Variants in CPA6 observed in about 807,000 individuals in gnomAD.
The protein encoded by CPA6 is carboxypeptidase B.
CPA6 carries 58 observed loss-of-function variants against 63.3 expected under a neutral mutation model. That is an observed-to-expected ratio of 0.92 (90% confidence interval 0.74 to 1.14). CPA6 has a LOEUF of 1.14. Ranked by LOEUF, CPA6 falls within the 50% of genes most tolerant of loss-of-function variation. The pLI is 0.00. For missense variants in CPA6, 565 were observed against 526.6 expected (o/e 1.07, Z -0.71); for synonymous variants, 185 against 179.0 (o/e 1.03, Z -0.27).
chr8:67,569,833 C>T (rs1394525294), intron 2 of CPA6: 1 of 183,208 alleles, frequency 5.5e-6, no homozygotes, highest in East Asian at 1.7e-4. Context: ...CTAGCGGCTA[C>T]TGAGAAATTC....
intron 8 of CPA6, among the ~76,000 whole-genome samples, chr8:67,457,138 A>G (rs931261663): frequency 2.0e-5 from 3 of 152,238 alleles, no homozygotes; most frequent in African/African-American, 7.2e-5. Flanking sequence ...TACAGCAGCA[A>G]TGGGGCACAA....
intron 8 of CPA6, among the ~76,000 whole-genome samples, chr8:67,448,179 G>C (rs1210351399): frequency 6.6e-6 from 1 of 152,152 alleles, no homozygotes; most frequent in Non-Finnish European, 1.5e-5. Context: ...TTTGTTTTCT[G>C]TTGAGCTATT....
intron 1 of CPA6, among the ~76,000 whole-genome samples, chr8:67,625,488 G>A (rs7825466): frequency 0.047 from 7,103 of 152,198 alleles, 344 homozygotes; most frequent in African/African-American, 0.12. Context: ...TCAATTTTTA[G>A]GTGTGTCATG....
chr8:67,717,749 C>T (rs1817409361), intron 1 of CPA6, among the ~76,000 whole-genome samples: 1 of 152,130 alleles, frequency 6.6e-6, no homozygotes, highest in Non-Finnish European at 1.5e-5. Context: ...GGAGATGACC[C>T]TGGAGTGTCC....
intron 8 of CPA6, among the ~76,000 whole-genome samples, chr8:67,468,463 G>A (rs1282301374): frequency 2.0e-5 from 3 of 151,854 alleles, no homozygotes; most frequent in South Asian, 2.1e-4. Flanking sequence ...GCAGGGGCCT[G>A]TAATCCCAGC....
At chr8:67,503,552 C>T (rs921490867) in intron 6 of CPA6, among the ~76,000 whole-genome samples, 1 of 151,066 alleles carries the variant, frequency 6.6e-6, no homozygotes, top group South Asian at 2.1e-4. Context: ...AAGTGATCCT[C>T]CTGCCTCGGC....
At chr8:67,658,076 C>T (rs1816028587) in intron 1 of CPA6, among the ~76,000 whole-genome samples, 1 of 152,144 alleles carries the variant, frequency 6.6e-6, no homozygotes, top group African/African-American at 2.4e-5. Flanking sequence ...TCAGACCTTT[C>T]TTGTCTTTTT....
In CPA6 at chr8:67,475,828, TTTCTTTCTTTC is replaced by T. The variant is rs1563967620; in HGVS notation, c.838+7929_838+7939del. On this transcript the variant is annotated intron_variant, in intron 8 of 10. Coordinates refer to ENST00000297770, the MANE Select transcript of CPA6 (RefSeq NM_020361.5). ...TTCTTTCTTTCTTTCCTTTCTTTTC[TTTCTTTCTTTC>T]TTTCTTTCTTTCTTTCTTTCTTTCT... 7.5e-3 allele frequency among the ~76,000 whole-genome samples: 394 copies of T among 52,594 alleles called. 18 individuals carry two copies. Among genetic ancestry groups the T allele is most frequent in the Middle Eastern group, 0.02 (2 of 102 alleles). 34.5% of individuals were successfully genotyped at this position (52,594 alleles called of 152,430 possible).
chr8:67,728,730 T>C (rs1296692837), intron 1 of CPA6, among the ~76,000 whole-genome samples: 5 of 152,232 alleles, frequency 3.3e-5, no homozygotes, highest in African/African-American at 4.8e-5. Context: ...TATTCAATAT[T>C]AGTTCTATTT....
At chr8:67,536,679 AC>A (rs1383929333) in intron 2 of CPA6, among the ~76,000 whole-genome samples, 2 of 152,266 alleles carry the variant, frequency 1.3e-5, no homozygotes, top group African/African-American at 4.8e-5. Flanking sequence ...CTATTTGAAT[AC>A]CATTTATTTC....
intron 1 of CPA6, among the ~76,000 whole-genome samples, chr8:67,720,415 A>C (rs1246387360): frequency 6.6e-6 from 1 of 152,236 alleles, no homozygotes; most frequent in Non-Finnish European, 1.5e-5. Flanking sequence ...GAGGCCTGAC[A>C]GAAGCCAGGG....
chr8:67,567,887 T>G (rs550752432), intron 2 of CPA6, among the ~76,000 whole-genome samples: 45 of 152,202 alleles, frequency 3.0e-4, no homozygotes, highest in Middle Eastern at 3.4e-3. Flanking sequence ...TCACGGGGAC[T>G]GAGGAACATA....
At chr8:67,681,436 C>G (rs1194900585) in intron 1 of CPA6, among the ~76,000 whole-genome samples, 1 of 151,506 alleles carries the variant, frequency 6.6e-6, no homozygotes, top group Non-Finnish European at 1.5e-5. Context: ...GTCTCGATCT[C>G]CTGACCTCAT....
chr8:67,617,902 C>T (rs1179543187), intron 2 of CPA6, among the ~76,000 whole-genome samples: 1 of 151,648 alleles, frequency 6.6e-6, no homozygotes, highest in East Asian at 2.0e-4. Context: ...CAATTTCTTG[C>T]CATGGGGCAG....
chr8:67,581,547 A>AAGACCAG (rs954048244), intron 2 of CPA6, among the ~76,000 whole-genome samples: 5 of 152,214 alleles, frequency 3.3e-5, no homozygotes, highest in Non-Finnish European at 7.3e-5. Context: ...TCTGGTTTAC[A>AAGACCAG]AGACCAGAGT....
chr8:67,537,244 TG>T (rs1216209604), intron 2 of CPA6, among the ~76,000 whole-genome samples: 1 of 152,194 alleles, frequency 6.6e-6, no homozygotes, highest in Non-Finnish European at 1.5e-5. Context: ...CTTTTTCTAT[TG>T]TTTGGAATAG....
chr8:67,601,129 G>A (rs1366941659), intron 2 of CPA6, among the ~76,000 whole-genome samples: 2 of 152,136 alleles, frequency 1.3e-5, no homozygotes, highest in Non-Finnish European at 2.9e-5. Flanking sequence ...TCTTGATTAT[G>A]CCTTTATAAA....
At chr8:67,586,538 T>A (rs1813942001) in intron 2 of CPA6, among the ~76,000 whole-genome samples, 1 of 152,168 alleles carries the variant, frequency 6.6e-6, no homozygotes, top group Non-Finnish European at 1.5e-5. Context: ...TGAGTCTGTG[T>A]TAAGGTGTTC....
intron 1 of CPA6, among the ~76,000 whole-genome samples, chr8:67,673,016 G>A (rs1008971229): frequency 1.3e-5 from 2 of 152,056 alleles, no homozygotes; most frequent in African/African-American, 4.8e-5. Flanking sequence ...ATGCAACTAC[G>A]TATGATTTGA....
Sources: allele counts gnomAD v4.1 joint callset (sites outside exome capture counted in the v4.1 genomes callset), GRCh38; gene constraint gnomAD v4.1.1; transcripts MANE v1.5; gene names NCBI Gene and HGNC (gene_info 2026-07-23, HGNC 2026-07-21).